PLSCR4: variants seen among roughly 807,000 people sequenced by gnomAD.
PLSCR4 encodes the protein phospholipid scramblase 4, also known as Ca(2+)-dependent phospholipid scramblase 4.
In PLSCR4, 25 loss-of-function variants were observed where a neutral mutation model predicts 36.3. The observed-to-expected ratio is 0.69, with a 90% CI of 0.50 to 0.96. The LOEUF (loss-of-function observed/expected upper bound fraction) is 0.96. PLSCR4 is among the 40% of genes least tolerant of loss of function. PLSCR4 has a pLI of 0.00. For synonymous variants in PLSCR4, 122 were observed against 132.9 expected (o/e 0.92, Z 0.56); for missense variants, 408 against 414.7 (o/e 0.98, Z 0.14).
chr3:146,227,138 T>G (rs1339613885), intron 1 of PLSCR4, among the ~76,000 whole-genome samples: 2 of 152,190 alleles, frequency 1.3e-5, no homozygotes, highest in Admixed American at 6.5e-5. Flanking sequence ...CAGCAAAAAG[T>G]GCCGTATCTT....
At chr3:146,240,900 G>A (rs527605761) in intron 1 of PLSCR4, among the ~76,000 whole-genome samples, 1 of 152,164 alleles carries the variant, frequency 6.6e-6, no homozygotes, top group Admixed American at 6.5e-5. Context: ...GTTCATAATA[G>A]CATTACACAT....
intron 1 of PLSCR4, among the ~76,000 whole-genome samples, chr3:146,224,854 T>G (rs185258290): frequency 6.9e-6 from 1 of 145,782 alleles, no homozygotes; most frequent in Non-Finnish European, 1.5e-5. Context: ...TCAGATTAGT[T>G]AGATACAGAG....
chr3:146,222,614 G>GA (rs1277751581), intron 1 of PLSCR4, among the ~76,000 whole-genome samples: 3 of 152,206 alleles, frequency 2.0e-5, no homozygotes. Flanking sequence ...GAGGAAAAGA[G>GA]AAAGTGGTTT....
At chr3:146,223,124 G>C (rs917453298) in intron 1 of PLSCR4, among the ~76,000 whole-genome samples, 7 of 151,810 alleles carry the variant, frequency 4.6e-5, no homozygotes, top group African/African-American at 1.7e-4. Flanking sequence ...ACTAAAAGAA[G>C]TTAAACATTT....
chr3:146,197,464 T>A (rs2033810368), intron 6 of PLSCR4, among the ~76,000 whole-genome samples: 1 of 152,164 alleles, frequency 6.6e-6, no homozygotes, highest in Admixed American at 6.5e-5. Flanking sequence ...GCTGACTTTT[T>A]AGATTTGAAA....
chr3:146,248,489 GACAC>G (rs146267394), intron 1 of PLSCR4, among the ~76,000 whole-genome samples: 2 of 149,362 alleles, frequency 1.3e-5, no homozygotes, highest in African/African-American at 4.9e-5. Flanking sequence ...CACACACACA[GACAC>G]ACACACACAC....
chr3:146,222,378 T>G (rs35231667), intron 1 of PLSCR4: 7,507 of 190,874 alleles, frequency 0.039, 213 homozygotes, highest in South Asian at 0.072. Flanking sequence ...TGTTAAAGTT[T>G]AACGTTAGAT....
chr3:146,223,798 A>G (rs1318855273), intron 1 of PLSCR4: 3 of 148,578 alleles, frequency 2.0e-5, no homozygotes, highest in African/African-American at 2.4e-5. Context: ...ACATATAAAT[A>G]TATTTTAAAA....
At chr3:146,216,984 A>T (rs1436332678) in intron 3 of PLSCR4, among the ~76,000 whole-genome samples, 2 of 152,106 alleles carry the variant, frequency 1.3e-5, no homozygotes. Context: ...AATTCTCCTA[A>T]TACTATCTGA....
chr3:146,224,473 T>C (rs1017454950), intron 1 of PLSCR4, among the ~76,000 whole-genome samples: 1 of 148,834 alleles, frequency 6.7e-6, no homozygotes, highest in African/African-American at 2.6e-5. Flanking sequence ...AGGTGGCGCA[T>C]CTGGAGTTTG....
intron 1 of PLSCR4, chr3:146,223,815 TA>T (rs1190395946): frequency 6.8e-6 from 1 of 147,708 alleles, no homozygotes; most frequent in African/African-American, 2.5e-5. Flanking sequence ...AAAACATATA[TA>T]TTTACTTTTA....
chr3:146,238,601 T>TA (rs1364915489), intron 1 of PLSCR4, among the ~76,000 whole-genome samples: 7 of 152,054 alleles, frequency 4.6e-5, no homozygotes, highest in Non-Finnish European at 8.8e-5. Flanking sequence ...TCTTTATTGA[T>TA]AAAAACAATA....
At chr3:146,206,830 AT>A (rs2034360127) in intron 3 of PLSCR4, 69 bp from the exon 4 acceptor site, 1 of 944,024 alleles carries the variant, frequency 1.1e-6, no homozygotes, top group South Asian at 1.6e-5. Context: ...TTTACATGCG[AT>A]GAAATAGATC....
intron 4 of PLSCR4, among the ~76,000 whole-genome samples, chr3:146,205,955 GAAT>G (rs2034305450): frequency 6.6e-6 from 1 of 152,052 alleles, no homozygotes; most frequent in South Asian, 2.1e-4. Context: ...GGTGGCAGCA[GAAT>G]ATCTACATAG....
intron 6 of PLSCR4, 147 bp downstream of exon 6, chr3:146,199,666 A>T (rs376415908): frequency 5.8e-5 from 38 of 657,362 alleles, no homozygotes; most frequent in African/African-American, 5.6e-4. Context: ...CTTAGGCGAG[A>T]CAATTTGGTT....
intron 4 of PLSCR4, among the ~76,000 whole-genome samples, chr3:146,201,812 G>T (rs1266275146): frequency 6.6e-6 from 1 of 152,050 alleles, no homozygotes; most frequent in Non-Finnish European, 1.5e-5. Flanking sequence ...AAGATGAGCA[G>T]TTTGATGGGC....
chr3:146,196,297 C>A, intron 7 of PLSCR4: 1 of 237,870 alleles, frequency 4.2e-6, no homozygotes, highest in Non-Finnish European at 8.3e-6. Flanking sequence ...TATTCCCAGC[C>A]TAGAAATCTA....
chr3:146,198,931 G>A (rs974113317), intron 6 of PLSCR4, among the ~76,000 whole-genome samples: 1 of 152,094 alleles, frequency 6.6e-6, no homozygotes, highest in African/African-American at 2.4e-5. Flanking sequence ...TATTCATTGA[G>A]TACTATACTA....
intron 1 of PLSCR4, among the ~76,000 whole-genome samples, chr3:146,229,592 C>T (rs201314516): frequency 1.3e-3 from 77 of 57,318 alleles, no homozygotes; most frequent in Admixed American, 6.8e-3. Context: ...TTTTATTTTT[C>T]ATTTATTTAT....
Sources: gnomAD v4.1 joint callset for allele counts (sites outside exome capture counted in the v4.1 genomes callset) on GRCh38, gnomAD v4.1.1 for gene constraint, MANE v1.5 for transcripts, NCBI Gene and HGNC (gene_info 2026-07-23, HGNC 2026-07-21) for gene names.